The following CHGB variants were observed in gnomAD, a reference collection of about 807,000 sequenced individuals.
The protein encoded by CHGB is chromogranin B, also known as secretogranin-1.
In CHGB, 46 loss-of-function variants were observed where a neutral mutation model predicts 69.9. The observed-to-expected ratio is 0.66, with a 90% CI of 0.52 to 0.84. CHGB has a LOEUF of 0.84. Ranked by LOEUF, CHGB falls within the 40% of genes least tolerant of loss-of-function variation. The pLI is 0.00. For synonymous variants in CHGB, 312 were observed against 298.2 expected (o/e 1.05, Z -0.48); for missense variants, 796 against 822.2 (o/e 0.97, Z 0.39).
chr20:5,918,751 G>C (rs1022439374), intron 3 of CHGB, among the ~76,000 whole-genome samples: 1 of 139,944 alleles, frequency 7.1e-6, no homozygotes, highest in Non-Finnish European at 1.5e-5. Flanking sequence ...GGTGGAGGTT[G>C]CAGTAAGCCG....
Position 5,922,350 on chromosome 20 carries a change from A to G in CHGB, c.206A>G (p.Lys69Arg), listed in dbSNP as rs374199300. 5.8e-6 allele frequency: 9 copies of G among 1,550,046 alleles called. No homozygotes were observed. Among genetic ancestry groups the G allele is most frequent in the Non-Finnish European group, 7.8e-6 (9 of 1,146,990 alleles). The change falls in exon 4 of 5, where the codon AAA becomes AGA. Residue 69 changes from lysine (K) to arginine (R), a missense_variant. Physicochemically the swap from Lys to Arg is conservative, Grantham distance 26. Transcript: ENST00000378961. Reference sequence around the variant, plus strand: ...TTCATTATAGGTAGAAAAGACGTCAAAGACAAAGAGACAACTGAAAATGAA... The same window carrying G: ...TTCATTATAGGTAGAAAAGACGTCAGAGACAAAGAGACAACTGAAAATGAA... Reference protein sequence around the residue: ...QVLKTSRKDVKDKETTENENT... With the variant: ...QVLKTSRKDVRDKETTENENT...
Position 5,922,929 on chromosome 20 carries a change from A to C in CHGB, c.785A>C (p.Glu262Ala). The C allele has an allele frequency of 1.2e-6, 2 of 1,612,846 alleles. No homozygotes were observed. The highest frequency in any genetic ancestry group is 1.7e-6 in the Non-Finnish European group (2 of 1,179,454). ...AAAGGCCAACCCCGAAGCCAGGAAGAATCTGAGGAAGGTGAGGAAGATGCC... is the reference window on the plus strand; with the variant it reads ...AAAGGCCAACCCCGAAGCCAGGAAGCATCTGAGGAAGGTGAGGAAGATGCC... ...ESKGQPRSQE[E>A]SEEGEEDATS... Residue 262 changes from glutamate to alanine, a missense_variant, in exon 4 of 5, where the codon GAA becomes GCA. This residue lies in a region of CHGB where 518 missense variants were observed against 506.3 expected (regional missense o/e 1.02). Transcript: ENST00000378961.
At chr20:5,920,282 C>T (rs569081603) in intron 3 of CHGB, among the ~76,000 whole-genome samples, 6 of 152,334 alleles carry the variant, frequency 3.9e-5, no homozygotes, top group Non-Finnish European at 8.8e-5. Context: ...CACAGTGACT[C>T]GGCCCCTGGA....
intron 3 of CHGB, among the ~76,000 whole-genome samples, chr20:5,919,936 C>T (rs779471181): frequency 1.3e-5 from 2 of 152,202 alleles, no homozygotes; most frequent in African/African-American, 2.4e-5. Flanking sequence ...TTTGAGAGAC[C>T]TCAGGGAAGA....
Position 5,923,118 on chromosome 20 carries a change from G to C in CHGB, c.974G>C (p.Arg325Thr). The C allele has an allele frequency of 6.2e-7, 1 of 1,614,134 alleles. No homozygotes were observed. Among genetic ancestry groups the C allele is most frequent in the South Asian group, 1.1e-5 (1 of 91,086 alleles). Residue 325 changes from arginine (R) to threonine (T), a missense_variant, in exon 4 of 5, where the codon AGG (arginine) becomes ACG (threonine). Arg to Thr is a moderately conservative substitution (Grantham distance 71, BLOSUM62 -1). Around this residue, in one of 3 missense-constraint regions of CHGB, gnomAD observed 518 missense variants for 506.3 expected, o/e 1.02. Coordinates refer to ENST00000378961, the MANE Select transcript of CHGB (RefSeq NM_001819.3). ...AGCATGGCCAGTTTAGGGGAAAAGA[G>C]GGACCACCATTCAACCCACTACAGG... ...NVSMASLGEK[R>T]DHHSTHYRAS...
chr20:5,924,817 C>G (rs2088540297), intron 4 of CHGB, among the ~76,000 whole-genome samples, 155 bp from the exon 5 acceptor site: 1 of 152,210 alleles, frequency 6.6e-6, no homozygotes, highest in Non-Finnish European at 1.5e-5. Context: ...GCTGATGCCA[C>G]TGGTCAGGGG....
At chr20:5,911,718 C>T in intron 1 of CHGB, 36 bp downstream of exon 1, 1 of 1,387,754 alleles carries the variant, frequency 7.2e-7, no homozygotes. Flanking sequence ...GCACCGCGGA[C>T]AGCGCCAGCC....
chr20:5,921,388 T>C (rs1305496280), intron 3 of CHGB, among the ~76,000 whole-genome samples: 6 of 152,232 alleles, frequency 3.9e-5, no homozygotes, highest in Non-Finnish European at 8.8e-5. Flanking sequence ...AGGCATTTTA[T>C]CTGAACTCTG....
In CHGB at chr20:5,911,602, T is replaced by G; in HGVS notation, c.-32T>G. On this transcript the variant is annotated 5_prime_UTR_variant, in exon 1 of 5. Transcript: ENST00000378961. Reference sequence around the variant, plus strand: ...CGCTTCTCCGGTCCAGCCGCCATCTTCCTTTCCGCACAGGGGCCGCCGAGC... The same window carrying G: ...CGCTTCTCCGGTCCAGCCGCCATCTGCCTTTCCGCACAGGGGCCGCCGAGC... The G allele has an allele frequency of 1.3e-6, 2 of 1,519,722 alleles. No homozygotes were observed. Among genetic ancestry groups the G allele is most frequent in the Non-Finnish European group, 1.8e-6 (2 of 1,139,286 alleles). 94.1% of individuals were successfully genotyped at this position (1,519,722 alleles called of 1,614,324 possible).
intron 3 of CHGB, among the ~76,000 whole-genome samples, chr20:5,921,567 G>GTACTC (rs2088514153): frequency 6.6e-6 from 1 of 152,214 alleles, no homozygotes; most frequent in African/African-American, 2.4e-5. Context: ...GTTATACCAT[G>GTACTC]TACTCTGACT....
Position 5,923,391 on chromosome 20 carries a change from G to A in CHGB, c.1247G>A (p.Gly416Glu). The stretch of plus-strand genomic sequence containing the variant: ...GAGAGGGGCCTTGAGCCGGGAAAGG[G>A]ACGCCATCACAGAGGCAGGGGAGGG... Reference protein sequence around the residue: ...EEERGLEPGKGRHHRGRGGEP... With the variant: ...EEERGLEPGKERHHRGRGGEP... The change falls in exon 4 of 5, where the codon GGA becomes GAA. Residue 416 changes from glycine to glutamate, a missense_variant. Around this residue, in one of 3 missense-constraint regions of CHGB, gnomAD observed 4 missense variants for 17.0 expected, o/e 0.24. Coordinates refer to ENST00000378961, the MANE Select transcript of CHGB (RefSeq NM_001819.3). The A allele has an allele frequency of 1.2e-6, 2 of 1,613,994 alleles. No homozygotes were observed. Among genetic ancestry groups the A allele is most frequent in the African/African-American group, 1.3e-5 (1 of 75,016 alleles).
In CHGB at chr20:5,924,860, C is replaced by T. The variant is rs2088540618; in HGVS notation, c.1957-112C>T. 4.8e-6 allele frequency: 3 copies of T among 618,776 alleles called. No homozygotes were observed. The Admixed American group carries it at 7.9e-5, about 16-fold the overall frequency. 38.3% of individuals were successfully genotyped at this position (618,776 alleles called of 1,614,324 possible). On this transcript the variant is annotated intron_variant, in intron 4 of 4. Coordinates refer to ENST00000378961, the MANE Select transcript of CHGB (RefSeq NM_001819.3). The stretch of plus-strand genomic sequence containing the variant: ...TTTGAGAGTTACTGAGGTAGGTTGA[C>T]TAATGCAGCTTCTAACATGCCTAAA...
intron 3 of CHGB, chr20:5,917,708 G>T (rs1012111874): frequency 6.6e-6 from 1 of 152,230 alleles, no homozygotes; most frequent in African/African-American, 2.4e-5. Context: ...ACAAAACTAT[G>T]CAGTCTCTGT....
chr20:5,916,824 A>G lies in CHGB; in HGVS notation c.97-2A>G, dbSNP rs2088478108. The G allele has an allele frequency of 6.2e-7, 1 of 1,614,154 alleles. No individual in the cohort carries two copies. The highest frequency in any genetic ancestry group is 2.2e-5 in the East Asian group (1 of 44,882). ...CCAACCTGCTTTCGGGTTTCCCCCC[A>G]GGTGACTCGCTGCATCATTGAGGTC... On this transcript the variant is annotated splice_acceptor_variant, in intron 2 of 4. Transcript: ENST00000378961. LOFTEE classifies it high-confidence loss of function.
chr20:5,916,622 A>G (rs949517768), intron 2 of CHGB, among the ~76,000 whole-genome samples: 4 of 152,134 alleles, frequency 2.6e-5, no homozygotes, highest in Non-Finnish European at 5.9e-5. Flanking sequence ...TCTCCAGATA[A>G]TCCCAACTCA....
At position 5,923,236 on chromosome 20, in the gene CHGB, C is replaced by A. The variant is rs774729816; in HGVS notation, c.1092C>A (p.Gly364=). Residue 364 remains glycine (G), a synonymous_variant, in exon 4 of 5, where the codon GGC becomes GGA. Transcript: ENST00000378961. Reference sequence around the variant, plus strand: ...ACCTGGAGTGGGAGCGCTATAGGGGCAGAGGAAGTGAAGAATACAGGGCTC... The same window carrying A: ...ACCTGGAGTGGGAGCGCTATAGGGGAAGAGGAAGTGAAGAATACAGGGCTC... ...PEDLEWERYR[G]RGSEEYRAPR... 6.2e-7 allele frequency: 1 copy of A among 1,613,788 alleles called. No individual in the cohort carries two copies.
Position 5,923,036 on chromosome 20 carries a change from A to T in CHGB, c.892A>T (p.Ser298Cys). Reference sequence around the variant, plus strand: ...GCCCGACAGGTCCTCTCAAGGAGGGAGTCTTCCCTCTGAGGAAAAGGGACA... The same window carrying T: ...GCCCGACAGGTCCTCTCAAGGAGGGTGTCTTCCCTCTGAGGAAAAGGGACA... ...SRPDRSSQGG[S>C]LPSEEKGHPQ... is the part of the protein sequence containing the mutation. The change falls in exon 4 of 5, where the codon AGT (serine) becomes TGT (cysteine). Residue 298 changes from serine to cysteine, a missense_variant. Physicochemically the swap from Ser to Cys is moderately radical, Grantham distance 112 (BLOSUM62 -1). Coordinates refer to ENST00000378961, the MANE Select transcript of CHGB (RefSeq NM_001819.3). 6.2e-7 allele frequency: 1 copy of T among 1,613,550 alleles called. No individual in the cohort carries two copies. The highest frequency in any genetic ancestry group is 8.5e-7 in the Non-Finnish European group (1 of 1,179,732).
chr20:5,924,221 C>T lies in CHGB; in HGVS notation c.1956+121C>T, dbSNP rs564078916. The T allele has an allele frequency of 4.7e-5, 66 of 1,390,506 alleles. No homozygotes were observed. In the East Asian group the frequency reaches 1.6e-3, roughly 35 times the overall value. 86.1% of individuals were successfully genotyped at this position (1,390,506 alleles called of 1,614,324 possible). Reference sequence around the variant, plus strand: ...GGAATTAATCACTATGAAAATGGTGCTCTAGTAATGGAGTGGAGGCCACCT... The same window carrying T: ...GGAATTAATCACTATGAAAATGGTGTTCTAGTAATGGAGTGGAGGCCACCT... On this transcript the variant is annotated intron_variant, in intron 4 of 4. Coordinates refer to ENST00000378961, the MANE Select transcript of CHGB (RefSeq NM_001819.3).
At chr20:5,918,408 CA>C (rs1026697656) in intron 3 of CHGB, among the ~76,000 whole-genome samples, 3 of 151,462 alleles carry the variant, frequency 2.0e-5, no homozygotes, top group African/African-American at 7.3e-5. Context: ...AAAACAAAAA[CA>C]AAAAAAACAC....
Sources: allele counts gnomAD v4.1 joint callset (sites outside exome capture counted in the v4.1 genomes callset), GRCh38; gene constraint gnomAD v4.1.1; regional missense constraint gnomAD v4.1.1; transcripts MANE v1.5; gene names NCBI Gene and HGNC (gene_info 2026-07-23, HGNC 2026-07-21).